The following NSMCE2 variants were observed in gnomAD, a reference collection of about 807,000 sequenced individuals.
NSMCE2 encodes E3 SUMO-protein ligase NSE2.
NSMCE2 carries 24 observed loss-of-function variants against 23.8 expected under a neutral mutation model. The ratio of observed to expected loss-of-function variants is 1.01; its 90% CI spans 0.73 to 1.42. The LOEUF (loss-of-function observed/expected upper bound fraction) is 1.42, where lower values mean the gene tolerates loss of function less well. Ranked by LOEUF, NSMCE2 falls within the 40% of genes most tolerant of loss-of-function variation. The probability of loss-of-function intolerance (pLI) is 0.00; values close to 1 mark genes in which losing one functional copy is unlikely to be tolerated. For missense variants in NSMCE2, 284 were observed against 296.5 expected, an observed-to-expected ratio of 0.96 and a Z score of 0.31; for synonymous variants, 92 against 94.1, an observed-to-expected ratio of 0.98 and a Z score of 0.13.
At chr8:125,304,870 A>G (rs529575255) in intron 5 of NSMCE2, among the ~76,000 whole-genome samples, 16 of 150,254 alleles carry the variant, frequency 1.1e-4, no homozygotes, top group African/African-American at 3.9e-4. Flanking sequence ...CCTGGGCAAC[A>G]GAGCCAGACT....
At chr8:125,195,512 T>G (rs1345885274) in intron 5 of NSMCE2, among the ~76,000 whole-genome samples, 2 of 152,214 alleles carry the variant, frequency 1.3e-5, no homozygotes, top group African/African-American at 4.8e-5. Context: ...TAAATTGTAC[T>G]TGGTGTCCTG....
intron 3 of NSMCE2, among the ~76,000 whole-genome samples, chr8:125,110,151 A>G (rs1334281416): frequency 3.3e-5 from 5 of 152,136 alleles, no homozygotes; most frequent in Non-Finnish European, 7.4e-5. Flanking sequence ...GTTTTCAAAG[A>G]TGTGTCATCT....
At chr8:125,195,599 A>C (rs1271985009) in intron 5 of NSMCE2, among the ~76,000 whole-genome samples, 1 of 152,202 alleles carries the variant, frequency 6.6e-6, no homozygotes, top group East Asian at 1.9e-4. Flanking sequence ...CTTAGCATTC[A>C]TTCATTCAAC....
intron 5 of NSMCE2, among the ~76,000 whole-genome samples, chr8:125,215,476 A>G (rs1472056300): frequency 6.6e-6 from 1 of 151,760 alleles, no homozygotes; most frequent in African/African-American, 2.4e-5. Context: ...AGTCTTTGCT[A>G]TTGTGAATAA....
intron 5 of NSMCE2, among the ~76,000 whole-genome samples, chr8:125,307,513 G>A (rs1008981958): frequency 6.7e-6 from 1 of 150,254 alleles, no homozygotes; most frequent in African/African-American, 2.5e-5. Flanking sequence ...TTTGTCTGGA[G>A]TGGCAGCAAA....
At chr8:125,159,139 G>A (rs1480168620) in intron 4 of NSMCE2, among the ~76,000 whole-genome samples, 1 of 152,118 alleles carries the variant, frequency 6.6e-6, no homozygotes, top group Non-Finnish European at 1.5e-5. Context: ...CATTTTGAGA[G>A]CAAGAAAGAT....
rs1053110815 is a variant in NSMCE2 at position 125,178,633 on chromosome 8, G to T, written c.265-3470G>T. On this transcript the variant is annotated intron_variant, in intron 4 of 7. Coordinates refer to ENST00000287437, the MANE Select transcript of NSMCE2 (RefSeq NM_173685.4). ...CGCCTGTAATCCCAGCACTTTGGGAGGTGGAGGCGGGCGGATCACGAGGTC... is the reference window on the plus strand; with the variant it reads ...CGCCTGTAATCCCAGCACTTTGGGATGTGGAGGCGGGCGGATCACGAGGTC... Among the ~76,000 whole-genome samples, 31 of 152,180 alleles carry T rather than the reference G, an allele frequency of 2.0e-4. 1 individual carries two copies. Among genetic ancestry groups the T allele is most frequent in the Non-Finnish European group, 7.3e-5 (5 of 68,038 alleles).
At chr8:125,360,187 G>T (rs978836157) in intron 7 of NSMCE2, among the ~76,000 whole-genome samples, 1 of 152,174 alleles carries the variant, frequency 6.6e-6, no homozygotes, top group Admixed American at 6.5e-5. Context: ...GATTGTGATA[G>T]ACTCAGCTCA....
chr8:125,294,214 G>C (rs1051891284), intron 5 of NSMCE2, among the ~76,000 whole-genome samples: 1 of 152,092 alleles, frequency 6.6e-6, no homozygotes, highest in Non-Finnish European at 1.5e-5. Context: ...TCAGTTGATG[G>C]TCATCTGGGT....
intron 1 of NSMCE2, among the ~76,000 whole-genome samples, chr8:125,094,252 A>G: frequency 6.6e-6 from 1 of 152,222 alleles, no homozygotes; most frequent in East Asian, 1.9e-4. Context: ...CACTGCTAAC[A>G]TCTTGCAAGA....
chr8:125,293,315 G>A (rs990073829), intron 5 of NSMCE2, among the ~76,000 whole-genome samples: 1 of 152,176 alleles, frequency 6.6e-6, no homozygotes, highest in Admixed American at 6.6e-5. Context: ...GTTTAAGAGG[G>A]TGGTTCTTAT....
At chr8:125,137,389 G>A (rs1284815491) in intron 3 of NSMCE2, among the ~76,000 whole-genome samples, 3 of 152,136 alleles carry the variant, frequency 2.0e-5, no homozygotes, top group African/African-American at 7.2e-5. Context: ...CTGTTTTAAA[G>A]GAGGCTGACC....
chr8:125,294,590 G>A (rs556721232), intron 5 of NSMCE2, among the ~76,000 whole-genome samples: 10 of 152,260 alleles, frequency 6.6e-5, no homozygotes, highest in Admixed American at 2.0e-4. Flanking sequence ...CTAAACTTGC[G>A]ATCGTATACT....
At chr8:125,135,988 C>T (rs1323605929) in intron 3 of NSMCE2, among the ~76,000 whole-genome samples, 1 of 151,922 alleles carries the variant, frequency 6.6e-6, no homozygotes, top group Non-Finnish European at 1.5e-5. Flanking sequence ...AGCCTGGAGG[C>T]TCTCTCAGGA....
At chr8:125,108,043 AT>A (rs1254409520) in intron 3 of NSMCE2, among the ~76,000 whole-genome samples, 3 of 149,202 alleles carry the variant, frequency 2.0e-5, no homozygotes. Flanking sequence ...CAAAAAAAAA[AT>A]AAAAAAAATT....
At chr8:125,154,666 A>G (rs1382833679) in intron 4 of NSMCE2, among the ~76,000 whole-genome samples, 1 of 152,196 alleles carries the variant, frequency 6.6e-6, no homozygotes, top group Non-Finnish European at 1.5e-5. Flanking sequence ...TAAAAACTGC[A>G]TTTAGATCCT....
At chr8:125,164,007 G>GGATAAGAT (rs1186921011) in intron 4 of NSMCE2, among the ~76,000 whole-genome samples, 5 of 152,224 alleles carry the variant, frequency 3.3e-5, no homozygotes, top group African/African-American at 1.2e-4. Flanking sequence ...GCCCAGGTCT[G>GGATAAGAT]GATAAGATAA....
chr8:125,329,265 C>G (rs983741572), intron 5 of NSMCE2, among the ~76,000 whole-genome samples: 2 of 152,178 alleles, frequency 1.3e-5, no homozygotes, highest in African/African-American at 4.8e-5. Context: ...GTGTTTAAAA[C>G]CTGGCACAGC....
chr8:125,235,349 A>G (rs1825500654), intron 5 of NSMCE2, among the ~76,000 whole-genome samples: 2 of 151,918 alleles, frequency 1.3e-5, no homozygotes, highest in South Asian at 2.1e-4. Context: ...CCTTGAGCAT[A>G]TATTTCTTAA....
Sources: allele counts gnomAD v4.1 joint callset (sites outside exome capture counted in the v4.1 genomes callset), GRCh38; gene constraint gnomAD v4.1.1; transcripts MANE v1.5; gene names NCBI Gene and HGNC (gene_info 2026-07-23, HGNC 2026-07-21).